Variants in EPN2 observed in about 807,000 individuals in gnomAD.
The protein encoded by EPN2 is epsin-2.
Under a neutral mutation model 61.7 loss-of-function variants are expected in EPN2, and 34 were observed. That is an observed-to-expected ratio of 0.55 (90% confidence interval 0.42 to 0.73). The LOEUF is 0.73. Among genes scored for constraint, EPN2 ranks in the 30% least tolerant of loss-of-function variants. The pLI is 0.00. For synonymous variants in EPN2, 349 were observed against 353.6 expected, an observed-to-expected ratio of 0.99 and a Z score of 0.15; for missense variants, 714 against 839.2, an observed-to-expected ratio of 0.85 and a Z score of 1.84.
intron 1 of EPN2, among the ~76,000 whole-genome samples, chr17:19,238,297 C>G (rs1335832105): frequency 6.6e-6 from 1 of 152,222 alleles, no homozygotes; most frequent in Non-Finnish European, 1.5e-5. Flanking sequence ...CCTCTCTCTC[C>G]CTGTGGGGCG....
Position 19,313,286 on chromosome 17 carries a change from A to C in EPN2, c.1147+7A>C. The C allele has an allele frequency of 1.3e-6, 2 of 1,514,828 alleles. No homozygotes were observed. The highest frequency in any genetic ancestry group is 2.3e-5 in the Admixed American group (1 of 43,834). The allele number at this position is 1,514,828 out of a possible 1,614,324, so 93.8% of individuals were successfully genotyped here. A position where few individuals can be genotyped will look rare whatever the true frequency, so the allele number is the denominator to read the frequency against. On this transcript the variant is annotated splice_region_variant and intron_variant, in intron 7 of 10. Coordinates refer to ENST00000314728, the MANE Select transcript of EPN2 (RefSeq NM_014964.5). ...GACCCCTGGCCATCGTTTGGTAAAG[A>C]CCCCATTACTGGTCTCCCGTGCTTG...
chr17:19,304,812 A>G (rs1021715272), intron 4 of EPN2, among the ~76,000 whole-genome samples: 3 of 152,146 alleles, frequency 2.0e-5, no homozygotes, highest in African/African-American at 7.2e-5. Context: ...TCTTTCCACT[A>G]TCTGGTCTTC....
intron 1 of EPN2, among the ~76,000 whole-genome samples, chr17:19,241,406 T>C (rs894114078): frequency 6.6e-6 from 1 of 151,874 alleles, no homozygotes; most frequent in Non-Finnish European, 1.5e-5. Flanking sequence ...GCCAACATGG[T>C]GAAACCCCAT....
At chr17:19,279,224 G>T (rs2045337145) in intron 1 of EPN2, among the ~76,000 whole-genome samples, 1 of 152,124 alleles carries the variant, frequency 6.6e-6, no homozygotes, top group Non-Finnish European at 1.5e-5. Context: ...GTCTGGGAGG[G>T]CAGCGGCACC....
At chr17:19,257,053 A>T (rs954598933) in intron 1 of EPN2, among the ~76,000 whole-genome samples, 1 of 152,260 alleles carries the variant, frequency 6.6e-6, no homozygotes, top group Non-Finnish European at 1.5e-5. Flanking sequence ...AGCAAGTCGC[A>T]CAAGAAATTA....
At chr17:19,330,409 A>G (rs1907105402) in intron 9 of EPN2, among the ~76,000 whole-genome samples, 1 of 151,638 alleles carries the variant, frequency 6.6e-6, no homozygotes, top group Admixed American at 6.6e-5. Flanking sequence ...CCTCCCTACC[A>G]ACTGTAGCCA....
At chr17:19,312,603 A>G (rs1906197428) in intron 6 of EPN2, among the ~76,000 whole-genome samples, 2 of 152,178 alleles carry the variant, frequency 1.3e-5, no homozygotes, top group South Asian at 4.1e-4. Flanking sequence ...GACCCCTTCT[A>G]CACCACAGGC....
chr17:19,282,906 C>G (rs533444601), intron 2 of EPN2, 44 bp from the exon 3 acceptor site: 2 of 521,588 alleles, frequency 3.8e-6, no homozygotes, highest in East Asian at 6.5e-5. Context: ...CCCACCCTCA[C>G]AGGGGGCTTA....
chr17:19,283,005 G>C lies in EPN2; in HGVS notation c.-115G>C. ...CTCCAAAGGAGGAAATGACCATTCA[G>C]GGATCTTACTCCAGCTTGATTACGG... On this transcript the variant is annotated 5_prime_UTR_variant, in exon 3 of 11. Transcript: ENST00000314728. This position sits in a 1 kb window ranked among gnomAD's most constrained non-coding sequence, Gnocchi z 7.0. 2 of 713,462 alleles carry C rather than the reference G, an allele frequency of 2.8e-6. No individual in the cohort carries two copies. Among genetic ancestry groups the C allele is most frequent in the Non-Finnish European group, 4.6e-6 (2 of 434,904 alleles). The allele number at this position is 713,462 out of a possible 1,614,324, so 44.2% of individuals were successfully genotyped here.
rs768330609 is a variant in EPN2 at position 19,285,541 on chromosome 17, C to T, written c.596-79C>T. 210 of 1,383,060 alleles carry T rather than the reference C, an allele frequency of 1.5e-4. No individual in the cohort carries two copies. Among genetic ancestry groups the T allele is most frequent in the Non-Finnish European group, 1.8e-4 (197 of 1,065,350 alleles). 85.7% of individuals were successfully genotyped at this position (1,383,060 alleles called of 1,614,324 possible). A position where few individuals can be genotyped will look rare whatever the true frequency, so the allele number is the denominator to read the frequency against. ...GGGGTTGACCCCGAGTGGCCTTGGC[C>T]CGTACCTCCTGCAGGGGCTGCTGCG... On this transcript the variant is annotated intron_variant, in intron 3 of 10. Transcript: ENST00000314728. The surrounding 1 kb of genome is among the most constrained non-coding windows in gnomAD (Gnocchi z 4.5).
At chr17:19,259,040 A>G (rs1347696365) in intron 1 of EPN2, among the ~76,000 whole-genome samples, 3 of 152,258 alleles carry the variant, frequency 2.0e-5, no homozygotes, top group Non-Finnish European at 4.4e-5. Flanking sequence ...TTTGGAAGAA[A>G]AAATCAGTTT....
intron 1 of EPN2, among the ~76,000 whole-genome samples, chr17:19,245,628 G>A (rs1009180422): frequency 6.6e-6 from 1 of 151,062 alleles, no homozygotes; most frequent in Non-Finnish European, 1.5e-5. Context: ...GTAGAGATGG[G>A]GTTTTGCCAT....
At chr17:19,305,010 A>T (rs1443204658) in intron 4 of EPN2, among the ~76,000 whole-genome samples, 1 of 152,196 alleles carries the variant, frequency 6.6e-6, no homozygotes. Context: ...CCTTCTCCAC[A>T]GGGTCTGTGA....
intron 7 of EPN2, 171 bp downstream of exon 7, chr17:19,313,450 A>G: frequency 2.1e-6 from 1 of 486,140 alleles, no homozygotes; most frequent in Non-Finnish European, 3.5e-6. Flanking sequence ...CTCCTTGAGG[A>G]TGGTGGCATG....
At chr17:19,290,990 G>A (rs11869462) in intron 4 of EPN2, among the ~76,000 whole-genome samples, 30 of 152,338 alleles carry the variant, frequency 2.0e-4, no homozygotes, top group African/African-American at 7.2e-4. Flanking sequence ...TCTGGGCTGA[G>A]AGCCCCTTGT....
intron 1 of EPN2, chr17:19,274,224 C>T (rs892188932): frequency 6.6e-6 from 1 of 152,624 alleles, no homozygotes; most frequent in African/African-American, 2.4e-5. Context: ...ACCCCCTCAG[C>T]TCTGCCCCCA....
At chr17:19,263,722 A>G (rs1458373254) in intron 1 of EPN2, among the ~76,000 whole-genome samples, 1 of 152,210 alleles carries the variant, frequency 6.6e-6, no homozygotes, top group Non-Finnish European at 1.5e-5. Context: ...CATTCAGTAA[A>G]TTATAGCTGT....
chr17:19,255,560 GTTTTTTT>G (rs56823339), intron 1 of EPN2, among the ~76,000 whole-genome samples: 2 of 92,214 alleles, frequency 2.2e-5, no homozygotes, highest in South Asian at 7.3e-4. Flanking sequence ...TCTGGGGAGA[GTTTTTTT>G]TTTTTTTTTT....
chr17:19,250,548 C>G (rs905027457), intron 1 of EPN2, among the ~76,000 whole-genome samples: 1 of 152,188 alleles, frequency 6.6e-6, no homozygotes, highest in African/African-American at 2.4e-5. Flanking sequence ...CTTACATAGC[C>G]TCCTAGTCTT....
Sources: allele counts gnomAD v4.1 joint callset (sites outside exome capture counted in the v4.1 genomes callset), GRCh38; gene constraint gnomAD v4.1.1; non-coding constraint Gnocchi (gnomAD v3.1); transcripts MANE v1.5; gene names NCBI Gene and HGNC (gene_info 2026-07-23, HGNC 2026-07-21).